The following FAT2 variants were observed in gnomAD, a reference collection of about 807,000 sequenced individuals.
The protein encoded by FAT2 is protocadherin Fat 2.
In FAT2, 150 loss-of-function variants were observed where a neutral mutation model predicts 295.3. The ratio of observed to expected loss-of-function variants is 0.51; its 90% CI spans 0.44 to 0.58. The LOEUF is 0.58. Among genes scored for constraint, FAT2 ranks in the 20% least tolerant of loss-of-function variants. FAT2 has a pLI of 0.00. For missense variants in FAT2, 4,868 were observed against 5,442.7 expected (o/e 0.89, Z 3.32); for synonymous variants, 2,026 against 2,150.3 (o/e 0.94, Z 1.60).
chr5:151,591,507 C>A (rs1759405582), upstream of FAT2, among the ~76,000 whole-genome samples: 1 of 152,144 alleles, frequency 6.6e-6, no homozygotes, highest in Non-Finnish European at 1.5e-5. Context: ...GAAATCAGGC[C>A]CATCTCCACC....
At chr5:151,549,568 G>A in intron 8 of FAT2, 63 bp from the exon 9 acceptor site, 2 of 1,460,432 alleles carry the variant, frequency 1.4e-6, no homozygotes, top group Non-Finnish European at 1.9e-6. Context: ...CAGGGTTAGG[G>A]TAAGGTTAAT....
rs770014066 is a variant in FAT2 at position 151,505,896 on chromosome 5, G to T, written c.12719C>A (p.Pro4240Gln). 2 of 1,598,284 alleles carry T rather than the reference G, an allele frequency of 1.3e-6. No individual in the cohort carries two copies. Among genetic ancestry groups the T allele is most frequent in the Middle Eastern group, 1.7e-4 (1 of 5,968 alleles). The change falls in exon 24 of 24, where the codon CCA becomes CAA. Residue 4240 changes from proline (P) to glutamine (Q), a missense_variant. Around this residue, in one of 5 missense-constraint regions of FAT2, gnomAD observed 492 missense variants for 482.6 expected, o/e 1.02. Coordinates refer to ENST00000261800, the MANE Select transcript of FAT2 (RefSeq NM_001447.3). ...CAGGTTCTGGTTGCTGTAACGGGGT[G>T]GGAGAGGTGCCCGCTTGTTTTCCAT... is the stretch of plus-strand genomic sequence containing the variant. ...LEMENKRAPL[P>Q]PRYSNQNLED... is the part of the protein sequence containing the mutation.
At chr5:151,553,151 T>C (rs2127626517) in intron 6 of FAT2, 26 bp downstream of exon 6, 2 of 1,609,962 alleles carry the variant, frequency 1.2e-6, no homozygotes, top group Non-Finnish European at 8.5e-7. Context: ...GGGTTGGCCC[T>C]TGTTGGGCCC....
At chr5:151,506,655 T>TATCA (rs1462229678) in intron 23 of FAT2, among the ~76,000 whole-genome samples, 1 of 152,264 alleles carries the variant, frequency 6.6e-6, no homozygotes, top group Non-Finnish European at 1.5e-5. Context: ...TGAAAATACC[T>TATCA]ATCATAACTG....
chr5:151,544,095 G>A lies in FAT2; in HGVS notation c.7032C>T (p.His2344=). The change falls in exon 10 of 24, where the codon CAC becomes CAT. Residue 2344 remains histidine, a synonymous_variant. Transcript: ENST00000261800. ...CCATGGCCCTGACTTTCACATGAAA[G>A]TGTTGTTGGGCTTCATAATCCAGTT... is the stretch of plus-strand genomic sequence containing the variant. ...VQELDYEAQQ[H]FHVKVRAMDK... 6.2e-7 allele frequency: 1 copy of A among 1,614,236 alleles called. No individual in the cohort carries two copies. Among genetic ancestry groups the A allele is most frequent in the South Asian group, 1.1e-5 (1 of 91,088 alleles).
rs142049735 is a variant in FAT2, at chr5:151,505,493, C to T, written c.*72G>A. ...TCTCCCAGCCACACTCAACTCACCC[C>T]CTACGAGACAGGAAGAAATAAGCCA... On this transcript the variant is annotated 3_prime_UTR_variant, in exon 24 of 24. Coordinates refer to ENST00000261800, the MANE Select transcript of FAT2 (RefSeq NM_001447.3). 8.2e-6 allele frequency: 13 copies of T among 1,579,942 alleles called. No homozygotes were observed. The highest frequency in any genetic ancestry group is 5.4e-5 in the African/African-American group (4 of 73,474).
chr5:151,558,386 C>T (rs771154267), intron 3 of FAT2, among the ~76,000 whole-genome samples: 8 of 152,052 alleles, frequency 5.3e-5, no homozygotes, highest in African/African-American at 7.2e-5. Flanking sequence ...GAGGCCGAAG[C>T]GGGCGGATCA....
In FAT2 at chr5:151,543,157, A is replaced by C; in HGVS notation, c.7970T>G (p.Leu2657Arg). The change falls in exon 10 of 24, where the codon CTT becomes CGT. Residue 2657 changes from leucine to arginine, a missense_variant. Transcript: ENST00000261800. ...DSLVGLENQT[L>R]DFFIKAQDGG... ...ATCTTGGGCTTTGATGAAGAAGTCAAGGGTCTGATTTTCCAATCCCACCAG... is the reference window on the plus strand; with the variant it reads ...ATCTTGGGCTTTGATGAAGAAGTCACGGGTCTGATTTTCCAATCCCACCAG... 1.2e-6 allele frequency: 2 copies of C among 1,614,160 alleles called. No homozygotes were observed. The highest frequency in any genetic ancestry group is 2.2e-5 in the South Asian group (2 of 91,078).
In FAT2 at chr5:151,521,584, C is replaced by G. The variant is rs2127579663; in HGVS notation, c.11009G>C (p.Ser3670Thr). ...AGCCACGGCCTCTGCAGGCTGGAGG[C>G]TGGCCAAGTGAATGTTAGCCCGTTT... The part of the protein sequence containing the change: ...DIKRANIHLA[S>T]LQPAEAVAGV... Residue 3670 changes from serine (S) to threonine (T), a missense_variant, in exon 19 of 24, where the codon AGC becomes ACC. By Grantham distance (58) the Ser-to-Thr change is moderately conservative (BLOSUM62 1). Around this residue, in one of 5 missense-constraint regions of FAT2, gnomAD observed 1,046 missense variants for 1,210.1 expected, o/e 0.86. Transcript: ENST00000261800. 6.2e-7 allele frequency: 1 copy of G among 1,614,210 alleles called. No individual in the cohort carries two copies. The highest frequency in any genetic ancestry group is 8.5e-7 in the Non-Finnish European group (1 of 1,180,004).
upstream of FAT2, among the ~76,000 whole-genome samples, chr5:151,594,245 T>C (rs887099105): frequency 3.9e-5 from 6 of 152,012 alleles, no homozygotes; most frequent in Non-Finnish European, 8.8e-5. Context: ...ACTGCCTGGG[T>C]CTCCCCTCTC....
At position 151,553,342 on chromosome 5, in the gene FAT2, G is replaced by A. The variant is rs746994544; in HGVS notation, c.3991C>T (p.Arg1331Trp). Residue 1331 changes from arginine (R) to tryptophan (W), a missense_variant, in exon 6 of 24, where the codon CGG becomes TGG. Arg to Trp is a moderately radical substitution (Grantham distance 101). Around this residue, in one of 5 missense-constraint regions of FAT2, gnomAD observed 3,297 missense variants for 3,669.4 expected, o/e 0.90. Coordinates refer to ENST00000261800, the MANE Select transcript of FAT2 (RefSeq NM_001447.3). Reference sequence around the variant, plus strand: ...CAAGGGATCCACTCAATGTGTAGCCGGACACTGGCTGAGAGTGGTGGCTGC... The same window carrying A: ...CAAGGGATCCACTCAATGTGTAGCCAGACACTGGCTGAGAGTGGTGGCTGC... ...SGQPPLSASVRLHIEWIPWPR... is the reference protein window; with the variant it reads ...SGQPPLSASVWLHIEWIPWPR... The A allele has an allele frequency of 2.0e-5, 33 of 1,614,092 alleles. No individual in the cohort carries two copies. In the Middle Eastern group the frequency reaches 8.2e-4, roughly 40 times the overall value.
At chr5:151,588,371 T>G (rs116619048) in intron 1 of FAT2, among the ~76,000 whole-genome samples, 1 of 152,180 alleles carries the variant, frequency 6.6e-6, no homozygotes, top group Non-Finnish European at 1.5e-5. Context: ...AAGTTCTGCA[T>G]AGTGGTCTGG....
chr5:151,517,801 A>T, intron 19 of FAT2, 36 bp from the exon 20 acceptor site: 1 of 1,612,162 alleles, frequency 6.2e-7, no homozygotes, highest in Non-Finnish European at 8.5e-7. Flanking sequence ...CTCTACTTGA[A>T]GTGGTCCCCA....
In FAT2 at chr5:151,550,573, T is replaced by G. The variant is rs199896437; in HGVS notation, c.4578+17A>C. 5.3e-5 allele frequency: 85 copies of G among 1,613,304 alleles called. No individual in the cohort carries two copies. Among genetic ancestry groups the G allele is most frequent in the Non-Finnish European group, 7.1e-5 (84 of 1,179,618 alleles). On this transcript the variant is annotated intron_variant, in intron 8 of 23. Transcript: ENST00000261800. ...TACATGCAAACGTATTCTCACCAGA[T>G]TTTTCCATTTACTCACCATGACTGT...
At chr5:151,513,179 A>T (rs1761455279) in intron 20 of FAT2, among the ~76,000 whole-genome samples, 1 of 152,264 alleles carries the variant, frequency 6.6e-6, no homozygotes, top group African/African-American at 2.4e-5. Flanking sequence ...GAAGCCAGCT[A>T]TCTTCTATTA....
chr5:151,565,667 C>CCA lies in FAT2; in HGVS notation c.3259+5_3259+6insTG. On this transcript the variant is annotated splice_donor_region_variant and intron_variant, in intron 2 of 23. Transcript: ENST00000261800. ...CTGGCACCCCACCCTACCCCACCCC[C>CCA]AGTACCTGTATCTTGGTTGATGCTG... 6.4e-7 allele frequency: 1 copy of CCA among 1,570,652 alleles called. No homozygotes were observed. Among genetic ancestry groups the CCA allele is most frequent in the Non-Finnish European group, 8.7e-7 (1 of 1,153,154 alleles).
rs372469699 is a variant in FAT2 at position 151,544,284 on chromosome 5, G to A, written c.6843C>T (p.Ile2281=). 3.2e-5 allele frequency: 52 copies of A among 1,614,112 alleles called. No individual in the cohort carries two copies. The highest frequency in any genetic ancestry group is 4.2e-5 in the Non-Finnish European group (50 of 1,180,058). The stretch of plus-strand genomic sequence containing the variant: ...GGGTCTGAGCAGGCAAGCCTTCTGA[G>A]ATGGAAGTGGTATAGACCAATTGGG... The part of the protein sequence containing the change: ...TFSQLVYTTS[I]SEGLPAQTPV... The change falls in exon 10 of 24, where the codon ATC becomes ATT. Residue 2281 remains isoleucine (I), a synonymous_variant. Coordinates refer to ENST00000261800, the MANE Select transcript of FAT2 (RefSeq NM_001447.3).
At chr5:151,522,227 G>GAAA in intron 18 of FAT2, 141 bp from the exon 19 acceptor site, 65 of 536,768 alleles carry the variant, frequency 1.2e-4, no homozygotes, top group South Asian at 7.5e-4. Flanking sequence ...GTTGCATTTA[G>GAAA]AAAAAAAAAA....
intron 22 of FAT2, among the ~76,000 whole-genome samples, chr5:151,508,655 A>G (rs967561105): frequency 6.6e-6 from 1 of 151,684 alleles, no homozygotes; most frequent in African/African-American, 2.4e-5. Context: ...GGTTGCAGTG[A>G]GCCGAGATTG....
Sources: allele counts gnomAD v4.1 joint callset (sites outside exome capture counted in the v4.1 genomes callset), GRCh38; gene constraint gnomAD v4.1.1; regional missense constraint gnomAD v4.1.1; transcripts MANE v1.5; gene names NCBI Gene and HGNC (gene_info 2026-07-23, HGNC 2026-07-21).